SLC67A1: variants seen among roughly 807,000 people sequenced by gnomAD.
SLC67A1 encodes the protein solute carrier family 67 member 1.
chr11:2,918,203 T>A, the SLC67A1 span: 21 of 807,456 alleles, frequency 2.6e-5, no homozygotes, highest in Non-Finnish European at 3.8e-5. Context: ...CACACAGATG[T>A]GGTAGAGCAG....
the SLC67A1 span, chr11:2,917,027 C>CAT: frequency 9.3e-6 from 4 of 429,574 alleles, no homozygotes; most frequent in Non-Finnish European, 1.3e-5. Context: ...AGGGAAGGTG[C>CAT]TAGGAGGGGA....
the SLC67A1 span, chr11:2,909,842 T>G: frequency 9.8e-7 from 1 of 1,025,414 alleles, no homozygotes; most frequent in South Asian, 1.8e-5. Context: ...ATGTGGCTAC[T>G]GGGGACGTCT....
chr11:2,909,417 C>A, the SLC67A1 span: 2 of 1,473,926 alleles, frequency 1.4e-6, no homozygotes. Flanking sequence ...GCGGAGGACC[C>A]GGGACACCTC....
the SLC67A1 span, among the ~76,000 whole-genome samples, chr11:2,907,707 G>A: frequency 1.3e-5 from 2 of 152,142 alleles, no homozygotes; most frequent in African/African-American, 4.8e-5. The surrounding 1 kb of genome is among the most constrained non-coding windows in gnomAD (Gnocchi z 6.7). Context: ...GCTGCAGGGG[G>A]ACCAAATCAC....
chr11:2,908,644 A>G, the SLC67A1 span, among the ~76,000 whole-genome samples: 1,118 of 151,954 alleles, frequency 7.4e-3, 14 homozygotes, highest in African/African-American at 0.026. Flanking sequence ...GGCTCCATAC[A>G]CCCCGGGTCT....
At chr11:2,902,458 C>T in the SLC67A1 span, 2 of 358,476 alleles carry the variant, frequency 5.6e-6, no homozygotes, top group Non-Finnish European at 7.7e-6. Context: ...GTGCCCCTGA[C>T]GTGCCTGCTG....
chr11:2,910,523 G>C, the SLC67A1 span, among the ~76,000 whole-genome samples: 10 of 152,242 alleles, frequency 6.6e-5, no homozygotes, highest in African/African-American at 2.4e-4. Flanking sequence ...GAAGCCAGGG[G>C]GCCGTGTGGC....
At chr11:2,912,949 A>T in the SLC67A1 span, among the ~76,000 whole-genome samples, 1 of 152,144 alleles carries the variant, frequency 6.6e-6, no homozygotes, top group Non-Finnish European at 1.5e-5. Context: ...CTGCCCAGCC[A>T]AGAAAAAACA....
At chr11:2,902,832 C>A in the SLC67A1 span, 1 of 763,390 alleles carries the variant, frequency 1.3e-6, no homozygotes, top group Non-Finnish European at 1.6e-6. Flanking sequence ...GGTAGACCTT[C>A]CCTGAGAGCT....
chr11:2,919,370 C>T, the SLC67A1 span: 11 of 1,613,782 alleles, frequency 6.8e-6, no homozygotes, highest in Non-Finnish European at 7.6e-6. Flanking sequence ...GCCGCCCAAG[C>T]TGGCTACCTC....
chr11:2,906,771 G>A, the SLC67A1 span, among the ~76,000 whole-genome samples: 24 of 151,832 alleles, frequency 1.6e-4, no homozygotes, highest in African/African-American at 5.1e-4. Flanking sequence ...TGTAAACGAC[G>A]AGTTAATGGG....
the SLC67A1 span, chr11:2,916,948 G>C: frequency 1.7e-6 from 1 of 585,050 alleles, no homozygotes. Flanking sequence ...GTGGGGCTCC[G>C]GCAGGCAGGG....
chr11:2,903,707 C>A, the SLC67A1 span: 1 of 593,380 alleles, frequency 1.7e-6, no homozygotes, highest in Non-Finnish European at 3.0e-6. Context: ...GTGCCAGCCC[C>A]GGGAGAAGCC....
the SLC67A1 span, chr11:2,908,300 T>C: frequency 1.2e-6 from 2 of 1,613,748 alleles, no homozygotes; most frequent in Admixed American, 1.7e-5. Flanking sequence ...TTCGGGGTGC[T>C]GCAGCTGCTG....
chr11:2,901,488 G>A, the SLC67A1 span, among the ~76,000 whole-genome samples: 1 of 152,258 alleles, frequency 6.6e-6, no homozygotes, highest in African/African-American at 2.4e-5. Context: ...GGTGGGGCAG[G>A]AGTCCTGAAT....
At chr11:2,923,596 C>T in the SLC67A1 span, among the ~76,000 whole-genome samples, 9 of 152,228 alleles carry the variant, frequency 5.9e-5, no homozygotes, top group Middle Eastern at 3.2e-3. This position sits in a 1 kb window ranked among gnomAD's most constrained non-coding sequence, Gnocchi z 6.5. Flanking sequence ...CCAAGGCCTT[C>T]GGGGACTGTG....
At chr11:2,909,818 C>T in the SLC67A1 span, 3 of 1,199,072 alleles carry the variant, frequency 2.5e-6, no homozygotes, top group Admixed American at 6.6e-5. Flanking sequence ...TCGTGGGGCG[C>T]GAGTGGCCAC....
the SLC67A1 span, among the ~76,000 whole-genome samples, chr11:2,924,157 G>A: frequency 1.3e-5 from 2 of 152,356 alleles, no homozygotes; most frequent in East Asian, 1.9e-4. This position sits in a 1 kb window ranked among gnomAD's most constrained non-coding sequence, Gnocchi z 8.6. Flanking sequence ...TAGTGCCCAC[G>A]TGCCCGTCCA....
chr11:2,908,522 C>T, the SLC67A1 span, among the ~76,000 whole-genome samples: 2 of 152,234 alleles, frequency 1.3e-5, no homozygotes, highest in Non-Finnish European at 2.9e-5. Flanking sequence ...GTCCCACCCA[C>T]GCCTTCCACT....
Sources: gnomAD v4.1 joint callset for allele counts (sites outside exome capture counted in the v4.1 genomes callset) on GRCh38, gnomAD v4.1.1 for gene constraint, Gnocchi (gnomAD v3.1) non-coding constraint, MANE v1.5 for transcripts, NCBI Gene and HGNC (gene_info 2026-07-23, HGNC 2026-07-21) for gene names.